The following BLTP1 variants were observed in gnomAD, a reference collection of about 807,000 sequenced individuals.
The protein encoded by BLTP1 is bridge-like lipid transfer protein family member 1.
chr4:122,346,598 C>G, the BLTP1 span: 3 of 1,606,310 alleles, frequency 1.9e-6, no homozygotes, highest in East Asian at 6.7e-5. Context: ...GAAATCTGTA[C>G]TAACAAATGT....
the BLTP1 span, among the ~76,000 whole-genome samples, chr4:122,213,260 A>C: frequency 2.0e-5 from 3 of 152,178 alleles, no homozygotes; most frequent in South Asian, 6.2e-4. Context: ...ATTTGTCTCA[A>C]ACTTCTTCCT....
chr4:122,358,688 C>T, the BLTP1 span, among the ~76,000 whole-genome samples: 1 of 152,124 alleles, frequency 6.6e-6, no homozygotes, highest in African/African-American at 2.4e-5. Flanking sequence ...AATTTTGAGG[C>T]TCATTCCCAA....
At chr4:122,273,876 AAGT>A in the BLTP1 span, among the ~76,000 whole-genome samples, 7 of 152,200 alleles carry the variant, frequency 4.6e-5, no homozygotes, top group Admixed American at 3.3e-4. Context: ...TAAATGAAAA[AAGT>A]AGGCAAAATT....
chr4:122,208,357 C>T, the BLTP1 span: 2 of 978,176 alleles, frequency 2.0e-6, no homozygotes, highest in Non-Finnish European at 2.4e-6. Flanking sequence ...CTTTTAACCA[C>T]TCTACCTTGC....
the BLTP1 span, among the ~76,000 whole-genome samples, chr4:122,337,375 C>T: frequency 6.6e-6 from 1 of 152,060 alleles, no homozygotes; most frequent in South Asian, 2.1e-4. Flanking sequence ...CCGTCTAATA[C>T]AAAGCCTTTT....
At chr4:122,322,936 T>C in the BLTP1 span, among the ~76,000 whole-genome samples, 1 of 152,146 alleles carries the variant, frequency 6.6e-6, no homozygotes, top group African/African-American at 2.4e-5. Flanking sequence ...CTTCCCCGTG[T>C]TGGAAGCCTA....
At chr4:122,291,802 T>A in the BLTP1 span, 1 of 979,310 alleles carries the variant, frequency 1.0e-6, no homozygotes, top group East Asian at 1.1e-4. Flanking sequence ...TAGCGTCTCT[T>A]ATGGTTCCAT....
At chr4:122,273,013 T>TA in the BLTP1 span, among the ~76,000 whole-genome samples, 1 of 151,898 alleles carries the variant, frequency 6.6e-6, no homozygotes, top group Admixed American at 6.6e-5. Flanking sequence ...GATGCTAAAA[T>TA]AAAAAAGCAA....
At chr4:122,308,045 T>C in the BLTP1 span, 1 of 1,613,448 alleles carries the variant, frequency 6.2e-7, no homozygotes, top group African/African-American at 1.3e-5. Flanking sequence ...ACAAAGGAAG[T>C]AGTAGATATG....
At chr4:122,271,572 A>G in the BLTP1 span, 1 of 1,613,638 alleles carries the variant, frequency 6.2e-7, no homozygotes, top group Non-Finnish European at 8.5e-7. Context: ...ATGACTATTC[A>G]TATGGATGAC....
chr4:122,174,525 G>C, the BLTP1 span: 3 of 1,593,882 alleles, frequency 1.9e-6, no homozygotes, highest in African/African-American at 2.7e-5. Flanking sequence ...GGGCCCTACT[G>C]TCTGTTAAAA....
At chr4:122,207,206 T>C in the BLTP1 span, 1 of 1,612,316 alleles carries the variant, frequency 6.2e-7, no homozygotes, top group Non-Finnish European at 8.5e-7. Context: ...CAGTTTGAAA[T>C]GATTTGGGCT....
the BLTP1 span, chr4:122,328,835 T>C: frequency 1.2e-5 from 11 of 881,232 alleles, no homozygotes; most frequent in Non-Finnish European, 1.4e-5. Flanking sequence ...TGTGAAACTT[T>C]GCTCTGAATA....
chr4:122,171,080 A>G, the BLTP1 span, among the ~76,000 whole-genome samples: 1 of 152,162 alleles, frequency 6.6e-6, no homozygotes, highest in East Asian at 1.9e-4. Flanking sequence ...GAAATAATAA[A>G]TCCTCAAATA....
At chr4:122,214,893 T>TTAATTCTTAG in the BLTP1 span, among the ~76,000 whole-genome samples, 1 of 152,268 alleles carries the variant, frequency 6.6e-6, no homozygotes, top group African/African-American at 2.4e-5. Context: ...ATTACAGGCA[T>TTAATTCTTAG]GAGCCACTGT....
chr4:122,218,729 T>A, the BLTP1 span, among the ~76,000 whole-genome samples: 5 of 152,204 alleles, frequency 3.3e-5, no homozygotes, highest in Admixed American at 6.5e-5. Context: ...AAATTTATAT[T>A]TTCATGCAAA....
chr4:122,346,602 C>A, the BLTP1 span: 8 of 1,608,030 alleles, frequency 5.0e-6, 1 homozygote, highest in South Asian at 8.8e-5. Flanking sequence ...TCTGTACTAA[C>A]AAATGTTATT....
the BLTP1 span, chr4:122,174,953 G>A: frequency 1.5e-5 from 11 of 731,028 alleles, no homozygotes; most frequent in South Asian, 1.3e-4. Context: ...GTAGTCATTC[G>A]TTATATACAG....
chr4:122,339,194 C>T, the BLTP1 span: 7 of 1,608,308 alleles, frequency 4.4e-6, no homozygotes, highest in Non-Finnish European at 5.1e-6. Context: ...CTTTTGCTGT[C>T]TGTTATTTTT....
Sources: allele counts gnomAD v4.1 joint callset (sites outside exome capture counted in the v4.1 genomes callset), GRCh38; gene constraint gnomAD v4.1.1; transcripts MANE v1.5; gene names NCBI Gene and HGNC (gene_info 2026-07-23, HGNC 2026-07-21).